PPP3CB: variants seen among roughly 807,000 people sequenced by gnomAD.
The protein encoded by PPP3CB is serine/threonine-protein phosphatase 2B catalytic subunit beta isoform.
Under a neutral mutation model 66.4 loss-of-function variants are expected in PPP3CB, and 8 were observed. That is an observed-to-expected ratio of 0.12 (90% CI 0.07 to 0.22). The LOEUF is 0.22. Ranked by LOEUF, PPP3CB falls within the 10% of genes least tolerant of loss-of-function variation. The pLI is 1.00. For missense variants in PPP3CB, 319 were observed against 642.5 expected (o/e 0.50, Z 5.44); for synonymous variants, 208 against 221.2 (o/e 0.94, Z 0.53).
chr10:73,471,449 A>G lies in PPP3CB; in HGVS notation c.669+19T>C, dbSNP rs1296629998. On this transcript the variant is annotated intron_variant, in intron 5 of 13. Coordinates refer to ENST00000360663, the MANE Select transcript of PPP3CB (RefSeq NM_021132.4). ...TACTATAAATAGAAATCAATCTCGGAAGTAAAATATATACTTACTCTCCTA... is the reference window on the plus strand; with the variant it reads ...TACTATAAATAGAAATCAATCTCGGGAGTAAAATATATACTTACTCTCCTA... The G allele has an allele frequency of 1.3e-6, 2 of 1,580,168 alleles. No homozygotes were observed. The highest frequency in any genetic ancestry group is 2.3e-5 in the South Asian group (2 of 85,464).
rs760468360 is a variant in PPP3CB, at chr10:73,446,483, T to G, written c.1268+9A>C. ...TGCAAAACAAATAATCAAGAAAATA[T>G]ATCATTACCTGAGAACAGAGAAGAC... On this transcript the variant is annotated intron_variant, in intron 11 of 13. Coordinates refer to ENST00000360663, the MANE Select transcript of PPP3CB (RefSeq NM_021132.4). 6.3e-7 allele frequency: 1 copy of G among 1,599,118 alleles called. No individual in the cohort carries two copies. The highest frequency in any genetic ancestry group is 8.6e-7 in the Non-Finnish European group (1 of 1,166,558).
At chr10:73,481,155 ATTTTTTTTTCTTTTTTT>A (rs1564566815) in intron 1 of PPP3CB, among the ~76,000 whole-genome samples, 2 of 146,674 alleles carry the variant, frequency 1.4e-5, no homozygotes, top group African/African-American at 2.5e-5. Context: ...CTCTTTCCAG[ATTTTTTTTTCTTTTTTT>A]TTTTTTTTTT....
chr10:73,490,135 A>AT (rs2057049035), intron 1 of PPP3CB, among the ~76,000 whole-genome samples: 1 of 152,164 alleles, frequency 6.6e-6, no homozygotes, highest in African/African-American at 2.4e-5. Flanking sequence ...GGTACTCAAT[A>AT]AACACTGCAC....
At chr10:73,446,928 GTC>G (rs1364139747) in intron 10 of PPP3CB, among the ~76,000 whole-genome samples, 1 of 152,176 alleles carries the variant, frequency 6.6e-6, no homozygotes, top group Non-Finnish European at 1.5e-5. Flanking sequence ...TAATCCTATA[GTC>G]TCTGTTTAAT....
At chr10:73,469,033 T>C (rs2056663244) in intron 8 of PPP3CB, among the ~76,000 whole-genome samples, 1 of 152,188 alleles carries the variant, frequency 6.6e-6, no homozygotes, top group Non-Finnish European at 1.5e-5. Flanking sequence ...ACATCTGATT[T>C]TTGATAAGAC....
chr10:73,486,423 A>G (rs1438396697), intron 1 of PPP3CB, among the ~76,000 whole-genome samples: 6 of 149,374 alleles, frequency 4.0e-5, no homozygotes, highest in Non-Finnish European at 8.9e-5. Context: ...CTCCTGCCTC[A>G]GCCTCCCAAG....
At position 73,469,837 on chromosome 10, in the gene PPP3CB, G is replaced by A. The variant is rs896663457; in HGVS notation, c.982+850C>T. ...TTTAACCTTCTGTTCTTTCCTCTTG[G>A]CACATCCACTCCAGTCTGATCCTGA... On this transcript the variant is annotated intron_variant, in intron 8 of 13. Coordinates refer to ENST00000360663, the MANE Select transcript of PPP3CB (RefSeq NM_021132.4). Among the ~76,000 whole-genome samples the A allele has an allele frequency of 9.9e-5, 15 of 151,944 alleles. No homozygotes were observed. In the South Asian group the frequency reaches 3.1e-3, roughly 32 times the overall value.
intron 1 of PPP3CB, among the ~76,000 whole-genome samples, chr10:73,482,766 C>G (rs530236658): frequency 1.3e-5 from 2 of 151,726 alleles, no homozygotes; most frequent in East Asian, 3.9e-4. Flanking sequence ...TACAGGCACC[C>G]GCCACCACAC....
chr10:73,455,105 G>A (rs982168647), intron 9 of PPP3CB, among the ~76,000 whole-genome samples: 1 of 151,496 alleles, frequency 6.6e-6, no homozygotes, highest in Non-Finnish European at 1.5e-5. Flanking sequence ...GGCTGGTCTC[G>A]AACTCCTAAC....
chr10:73,478,677 T>C, intron 2 of PPP3CB, 54 bp from the exon 3 acceptor site: 1 of 1,497,954 alleles, frequency 6.7e-7, no homozygotes, highest in Non-Finnish European at 9.2e-7. Flanking sequence ...ACAACAAATT[T>C]TACTTAAGTT....
intron 8 of PPP3CB, 65 bp downstream of exon 8, chr10:73,470,622 A>T: frequency 1.0e-6 from 1 of 994,390 alleles, no homozygotes; most frequent in Non-Finnish European, 1.4e-6. Flanking sequence ...CTTTTTTATT[A>T]TATTAAAAAA....
In PPP3CB at chr10:73,438,307, A is replaced by C; in HGVS notation, c.1510T>G (p.Phe504Val). 6.2e-7 allele frequency: 1 copy of C among 1,614,054 alleles called. No individual in the cohort carries two copies. The highest frequency in any genetic ancestry group is 8.5e-7 in the Non-Finnish European group (1 of 1,179,986). The change falls in exon 14 of 14, where the codon TTC (phenylalanine) becomes GTC (valine). Residue 504 changes from phenylalanine to valine, a missense_variant. Phe to Val is a conservative substitution (Grantham distance 50). Coordinates refer to ENST00000360663, the MANE Select transcript of PPP3CB (RefSeq NM_021132.4). ...GCATGTGCGGTGTTCAGAGAATTGA[A>C]ACCATCTTGCTGTACAGCATCTTTC... ...PRKDAVQQDGFNSLNTAHATE... is the reference protein window; with the variant it reads ...PRKDAVQQDGVNSLNTAHATE...
intron 1 of PPP3CB, among the ~76,000 whole-genome samples, chr10:73,489,146 T>C (rs183707305): frequency 6.6e-6 from 1 of 152,318 alleles, no homozygotes; most frequent in Admixed American, 6.5e-5. Flanking sequence ...TGATTATTGT[T>C]TCCTAAAAAA....
intron 13 of PPP3CB, among the ~76,000 whole-genome samples, chr10:73,439,511 C>T (rs927145541): frequency 6.6e-6 from 1 of 152,074 alleles, no homozygotes; most frequent in African/African-American, 2.4e-5. Flanking sequence ...TAGAATCATG[C>T]AAAATATGGA....
intron 1 of PPP3CB, 101 bp downstream of exon 1, chr10:73,495,704 C>G: frequency 6.9e-7 from 1 of 1,457,192 alleles, no homozygotes; most frequent in Non-Finnish European, 9.1e-7. Flanking sequence ...CAGTCACTCG[C>G]CCGCCCTTCC....
At chr10:73,489,349 T>G (rs576258634) in intron 1 of PPP3CB, among the ~76,000 whole-genome samples, 1 of 152,048 alleles carries the variant, frequency 6.6e-6, no homozygotes, top group Non-Finnish European at 1.5e-5. Flanking sequence ...GCACACAATA[T>G]GGCCAGAATT....
chr10:73,490,256 T>C (rs1420351085), intron 1 of PPP3CB, among the ~76,000 whole-genome samples: 4 of 152,212 alleles, frequency 2.6e-5, no homozygotes, highest in African/African-American at 9.6e-5. Flanking sequence ...ACTACCTCCT[T>C]TGAACTGACA....
intron 1 of PPP3CB, among the ~76,000 whole-genome samples, chr10:73,486,690 CAA>C (rs2056984306): frequency 6.6e-6 from 1 of 152,216 alleles, no homozygotes; most frequent in Admixed American, 6.5e-5. Flanking sequence ...CAACACTTAT[CAA>C]ATTCTTTTTT....
At chr10:73,448,836 T>C (rs1035623910) in intron 10 of PPP3CB, 3 of 450,846 alleles carry the variant, frequency 6.7e-6, no homozygotes, top group Non-Finnish European at 1.3e-5. Flanking sequence ...TATTTGGAAA[T>C]TTGAAAAATG....
Sources: gnomAD v4.1 joint callset for allele counts (sites outside exome capture counted in the v4.1 genomes callset) on GRCh38, gnomAD v4.1.1 for gene constraint, MANE v1.5 for transcripts, NCBI Gene and HGNC (gene_info 2026-07-23, HGNC 2026-07-21) for gene names.